EYA4: variants seen among roughly 807,000 people sequenced by gnomAD.
The protein encoded by EYA4 is EYA transcriptional coactivator and phosphatase 4.
Under a neutral mutation model 87.9 loss-of-function variants are expected in EYA4, and 31 were observed. The ratio of observed to expected loss-of-function variants is 0.35; its 90% CI spans 0.27 to 0.48. The LOEUF is 0.48. Among genes scored for constraint, EYA4 ranks in the 20% least tolerant of loss-of-function variants. The pLI is 0.99. For missense variants in EYA4, 678 were observed against 761.4 expected, an observed-to-expected ratio of 0.89 and a Z score of 1.29; for synonymous variants, 263 against 270.6, an observed-to-expected ratio of 0.97 and a Z score of 0.28.
chr6:133,433,901 G>A (rs1791409462), intron 3 of EYA4, among the ~76,000 whole-genome samples: 1 of 152,190 alleles, frequency 6.6e-6, no homozygotes. Flanking sequence ...CATCACATGG[G>A]ACAAAGACTT....
intron 2 of EYA4, among the ~76,000 whole-genome samples, chr6:133,300,221 A>AG (rs1248338297): frequency 6.6e-6 from 1 of 151,966 alleles, no homozygotes; most frequent in Admixed American, 6.6e-5. Context: ...GAGGAGGAGG[A>AG]GAAAGAGGAG....
In EYA4 at chr6:133,269,728, T is replaced by C. The variant is rs183365043; in HGVS notation, c.-65-4988T>C. Among the ~76,000 whole-genome samples the C allele has an allele frequency of 1.4e-3, 206 of 152,310 alleles. 4 individuals are homozygous for C. The highest frequency in any genetic ancestry group is 0.01 in the Admixed American group (158 of 15,286). On this transcript the variant is annotated intron_variant, in intron 1 of 19. Coordinates refer to ENST00000355286, the MANE Select transcript of EYA4 (RefSeq NM_004100.5). Reference sequence around the variant, plus strand: ...AAACTGAGCAAAACATCTACTGATATTGAATATTCAATAAACTGAATTGGC... The same window carrying C: ...AAACTGAGCAAAACATCTACTGATACTGAATATTCAATAAACTGAATTGGC...
chr6:133,256,689 C>G (rs1436739351), intron 1 of EYA4, among the ~76,000 whole-genome samples: 1 of 152,020 alleles, frequency 6.6e-6, no homozygotes, highest in South Asian at 2.1e-4. Context: ...GTTAATGCAT[C>G]AAAATCCAGA....
At chr6:133,318,322 G>A (rs142854461) in intron 2 of EYA4, among the ~76,000 whole-genome samples, 110 of 151,776 alleles carry the variant, frequency 7.2e-4, no homozygotes, top group African/African-American at 2.5e-3. Context: ...GTGTAGAATC[G>A]GAATTTTAAA....
In EYA4 at chr6:133,403,011, C is replaced by T. The variant is rs548945824; in HGVS notation, c.83+20570C>T. 6.6e-5 allele frequency among the ~76,000 whole-genome samples: 10 copies of T among 152,242 alleles called. No individual in the cohort carries two copies. In the South Asian group the frequency reaches 1.9e-3, roughly 28 times the overall value. On this transcript the variant is annotated intron_variant, in intron 3 of 19. Transcript: ENST00000355286. ...CTCGGTTTTATCATGGGGCTAATAA[C>T]AATGCCTGCTTTCTACAATTGTTAT...
chr6:133,509,628 C>G (rs1798965796), intron 14 of EYA4, among the ~76,000 whole-genome samples: 1 of 152,130 alleles, frequency 6.6e-6, no homozygotes, highest in Non-Finnish European at 1.5e-5. Flanking sequence ...AGTGCTATTT[C>G]GGTTAGAATA....
chr6:133,395,685 C>T (rs1038746543), intron 3 of EYA4, among the ~76,000 whole-genome samples: 14 of 152,262 alleles, frequency 9.2e-5, no homozygotes, highest in Admixed American at 3.3e-4. Context: ...CGCTTGAACC[C>T]GAGAGGTGGA....
At chr6:133,480,072 C>T (rs908077918) in intron 11 of EYA4, among the ~76,000 whole-genome samples, 1 of 152,130 alleles carries the variant, frequency 6.6e-6, no homozygotes, top group African/African-American at 2.4e-5. Flanking sequence ...GTCATTAACA[C>T]ATGAGAGAGT....
intron 2 of EYA4, among the ~76,000 whole-genome samples, chr6:133,281,134 G>T (rs1179577491): frequency 6.6e-6 from 1 of 151,846 alleles, no homozygotes; most frequent in Non-Finnish European, 1.5e-5. Flanking sequence ...ATATAAATTT[G>T]CCCCTATGTT....
At chr6:133,282,527 A>G (rs1257209253) in intron 2 of EYA4, among the ~76,000 whole-genome samples, 1 of 152,168 alleles carries the variant, frequency 6.6e-6, no homozygotes. Flanking sequence ...TTCTAAAATT[A>G]TAATTTGATT....
At chr6:133,509,034 G>A (rs187244136) in intron 14 of EYA4, among the ~76,000 whole-genome samples, 24 of 152,142 alleles carry the variant, frequency 1.6e-4, no homozygotes, top group Admixed American at 7.2e-4. Context: ...CTGTATATGC[G>A]TGCCACACAA....
intron 3 of EYA4, among the ~76,000 whole-genome samples, chr6:133,393,999 C>T (rs1457438404): frequency 6.6e-6 from 1 of 152,200 alleles, no homozygotes; most frequent in African/African-American, 2.4e-5. Flanking sequence ...TGCTTATTAT[C>T]TTACATTTAA....
At chr6:133,416,391 T>C (rs539858592) in intron 3 of EYA4, among the ~76,000 whole-genome samples, 1 of 152,360 alleles carries the variant, frequency 6.6e-6, no homozygotes, top group Admixed American at 6.5e-5. Flanking sequence ...AGACTGTCAG[T>C]CAGTGCCTCT....
chr6:133,313,020 A>T (rs1780350564), intron 2 of EYA4, among the ~76,000 whole-genome samples: 1 of 151,994 alleles, frequency 6.6e-6, no homozygotes, highest in Non-Finnish European at 1.5e-5. Flanking sequence ...ATCTTTTAAG[A>T]TTATATTTTA....
In EYA4 at chr6:133,426,219, A is replaced by G. The variant is rs553750050; in HGVS notation, c.84-20411A>G. ...ATCTTCCATGCTAGACTGTGACCAC[A>G]GCAAGTGGCTTTTTACCTTTGAATC... On this transcript the variant is annotated intron_variant, in intron 3 of 19. Coordinates refer to ENST00000355286, the MANE Select transcript of EYA4 (RefSeq NM_004100.5). Among the ~76,000 whole-genome samples, 157 of 142,476 alleles carry G rather than the reference A, an allele frequency of 1.1e-3. 2 individuals are homozygous for G. The highest frequency in any genetic ancestry group is 1.9e-3 in the Non-Finnish European group (127 of 67,966). The allele number at this position is 142,476 out of a possible 152,430, so 93.5% of individuals were successfully genotyped here.
At position 133,446,636 on chromosome 6, in the gene EYA4, G is replaced by A; in HGVS notation, c.90G>A (p.Met30Ile). 1 of 1,613,914 alleles carries A rather than the reference G, an allele frequency of 6.2e-7. No individual in the cohort carries two copies. Among genetic ancestry groups the A allele is most frequent in the Non-Finnish European group, 8.5e-7 (1 of 1,179,902 alleles). ...CTGCTTACTGCTCTACCAGGTCTAT[G>A]GAAATGCAGGACCTAGCAAGTCCTC... ...DVSQSQNSRS[M>I]EMQDLASPHT... Residue 30 changes from methionine (M) to isoleucine (I), a missense_variant, in exon 4 of 20, where the codon ATG (methionine) becomes ATA (isoleucine). By Grantham distance (10) the Met-to-Ile change is conservative. Transcript: ENST00000355286.
chr6:133,365,735 G>C (rs1258843824), intron 2 of EYA4, among the ~76,000 whole-genome samples: 1 of 152,026 alleles, frequency 6.6e-6, no homozygotes, highest in Non-Finnish European at 1.5e-5. Context: ...CTGGTTGTCT[G>C]GTACCTGGCC....
chr6:133,513,390 G>T (rs547332470), intron 16 of EYA4, among the ~76,000 whole-genome samples: 2 of 152,156 alleles, frequency 1.3e-5, no homozygotes, highest in Non-Finnish European at 2.9e-5. Flanking sequence ...CCTTTCTCAA[G>T]TAGAGAGCCT....
intron 1 of EYA4, among the ~76,000 whole-genome samples, chr6:133,269,052 G>T (rs547358715): frequency 6.6e-5 from 10 of 152,076 alleles, no homozygotes; most frequent in Non-Finnish European, 8.8e-5. Context: ...TGAGGCCAGG[G>T]GTTCGAGAGC....
Sources: allele counts gnomAD v4.1 joint callset (sites outside exome capture counted in the v4.1 genomes callset), GRCh38; gene constraint gnomAD v4.1.1; transcripts MANE v1.5; gene names NCBI Gene and HGNC (gene_info 2026-07-23, HGNC 2026-07-21).